Variants in CDK12 observed in about 807,000 individuals in gnomAD.
CDK12 encodes the protein cyclin-dependent kinase 12.
Under a neutral mutation model 133.8 loss-of-function variants are expected in CDK12, and 17 were observed. The ratio of observed to expected loss-of-function variants is 0.13; its 90% CI spans 0.09 to 0.19. CDK12 has a LOEUF of 0.19. Among genes scored for constraint, CDK12 ranks in the 10% least tolerant of loss-of-function variants. CDK12 has a pLI of 1.00. For synonymous variants in CDK12, 694 were observed against 683.6 expected (o/e 1.02, Z -0.24); for missense variants, 1,508 against 1,818.7 (o/e 0.83, Z 3.11).
At chr17:39,465,607 C>G (rs1163864231) in intron 1 of CDK12, among the ~76,000 whole-genome samples, 1 of 151,970 alleles carries the variant, frequency 6.6e-6, no homozygotes, top group Non-Finnish European at 1.5e-5. Flanking sequence ...CTGCCTCAGC[C>G]TCCTGAGAGT....
intron 6 of CDK12, 69 bp from the exon 7 acceptor site, chr17:39,509,636 A>G (rs943718395): frequency 9.9e-7 from 1 of 1,007,338 alleles, no homozygotes; most frequent in Non-Finnish European, 1.6e-6. Context: ...AACTTGGCGC[A>G]TGACTTTTCA....
intron 2 of CDK12, among the ~76,000 whole-genome samples, chr17:39,481,329 C>CTTTT (rs569177170): frequency 1.5e-5 from 2 of 135,526 alleles, no homozygotes; most frequent in African/African-American, 2.7e-5. Flanking sequence ...TCTTCTTTCT[C>CTTTT]TTTTTTTTTT....
At chr17:39,544,442 CT>C (rs1407939084), upstream of CDK12, 3 of 323,960 alleles carry the variant, frequency 9.3e-6, no homozygotes, top group African/African-American at 6.5e-5. Context: ...CACCCCACCC[CT>C]GGTCTTAGAG....
rs71147349 is a variant in CDK12 at position 39,496,912 on chromosome 17, CTTTTTTTT to C, written c.2419+2241_2419+2248del. On this transcript the variant is annotated intron_variant, in intron 5 of 13. Transcript: ENST00000447079. Reference sequence around the variant, plus strand: ...GTATCCTCCCCAACATTCAGTATATCTTTTTTTTTTTTTTTTTTTTTTTTTTTTTTAAT... The same window carrying C: ...GTATCCTCCCCAACATTCAGTATATCTTTTTTTTTTTTTTTTTTTTTTAAT... Among the ~76,000 whole-genome samples the C allele has an allele frequency of 1.9e-3, 170 of 87,808 alleles. 1 individual carries two copies. Among genetic ancestry groups the C allele is most frequent in the Middle Eastern group, 0.016 (2 of 122 alleles). The allele number at this position is 87,808 out of a possible 152,430, so 57.6% of individuals were successfully genotyped here.
At chr17:39,501,694 C>T (rs762442634) in intron 6 of CDK12, among the ~76,000 whole-genome samples, 1 of 152,078 alleles carries the variant, frequency 6.6e-6, no homozygotes, top group Non-Finnish European at 1.5e-5. Context: ...AGTACTTACT[C>T]CTAGGTTTTA....
In CDK12 at chr17:39,531,353, A is replaced by T; in HGVS notation, c.*37A>T. On this transcript the variant is annotated 3_prime_UTR_variant, in exon 14 of 14. Coordinates refer to ENST00000447079, the MANE Select transcript of CDK12 (RefSeq NM_016507.4). ...CAGTGTCCTGAAAGATTCCTTTCCT[A>T]TCCATCCTTCCATCCAGTTCTCTGA... 1 of 1,409,262 alleles carries T rather than the reference A, an allele frequency of 7.1e-7. No homozygotes were observed. The highest frequency in any genetic ancestry group is 9.3e-7 in the Non-Finnish European group (1 of 1,077,994). The allele number at this position is 1,409,262 out of a possible 1,614,324, so 87.3% of individuals were successfully genotyped here. A position where few individuals can be genotyped will look rare whatever the true frequency, so the allele number is the denominator to read the frequency against.
At chr17:39,463,166 G>A (rs1338967704) in intron 1 of CDK12, 49 bp downstream of exon 1, 2 of 1,519,236 alleles carry the variant, frequency 1.3e-6, no homozygotes, top group African/African-American at 1.4e-5. Context: ...GGGTTGCGAG[G>A]AATTGGCATT....
intron 5 of CDK12, among the ~76,000 whole-genome samples, chr17:39,497,697 G>GGCTCAAGCAATCCTCCAT (rs2052236345): frequency 6.6e-6 from 1 of 151,818 alleles, no homozygotes; most frequent in South Asian, 2.1e-4. Context: ...TCAACCTCCA[G>GGCTCAAGCAATCCTCCAT]GCTCAAGCAA....
intron 1 of CDK12, among the ~76,000 whole-genome samples, chr17:39,540,258 G>T (rs146609913): frequency 2.0e-5 from 3 of 152,338 alleles, no homozygotes; most frequent in African/African-American, 4.8e-5. Context: ...TGTGCTGTTG[G>T]TGGTGATGAA....
At chr17:39,505,013 G>T (rs1049138341) in intron 6 of CDK12, among the ~76,000 whole-genome samples, 10 of 151,320 alleles carry the variant, frequency 6.6e-5, no homozygotes, top group African/African-American at 2.2e-4. Context: ...GACGGATCAT[G>T]AGGTCAGGCG....
At chr17:39,542,005 A>C (rs538613580) in intron 1 of CDK12, among the ~76,000 whole-genome samples, 2 of 152,278 alleles carry the variant, frequency 1.3e-5, no homozygotes, top group East Asian at 3.9e-4. Flanking sequence ...GACTTCTGCG[A>C]GTAGAGTGCC....
rs1286379405 is a variant in CDK12 at position 39,524,718 on chromosome 17, G to A, written c.3140G>A (p.Arg1047Gln). 4 of 1,614,142 alleles carry A rather than the reference G, an allele frequency of 2.5e-6. No individual in the cohort carries two copies. Among genetic ancestry groups the A allele is most frequent in the South Asian group, 1.1e-5 (1 of 91,080 alleles). Residue 1047 changes from arginine to glutamine, a missense_variant, in exon 12 of 14, where the codon CGG becomes CAG. By Grantham distance (43) the Arg-to-Gln change is conservative. Coordinates refer to ENST00000447079, the MANE Select transcript of CDK12 (RefSeq NM_016507.4). ...QDCHELWSKKRRRQRQSGVVV... is the reference protein window; with the variant it reads ...QDCHELWSKKQRRQRQSGVVV... ...TGCCATGAGTTGTGGAGTAAGAAAC[G>A]GCGACGTCAGCGACAAAGTGGTGTT...
chr17:39,485,926 T>C (rs2051088287), intron 2 of CDK12, among the ~76,000 whole-genome samples: 1 of 151,816 alleles, frequency 6.6e-6, no homozygotes, highest in Non-Finnish European at 1.5e-5. Flanking sequence ...ATGACACAAT[T>C]AAAATACCTT....
rs1413984719 is a variant in CDK12, at chr17:39,462,928, A to G, written c.857A>G (p.Gln286Arg). Reference sequence around the variant, plus strand: ...CCTTACAAGGAGCCTTCGGCCTACCAGTCCAGCACCCGGTCACCGAGCCCC... The same window carrying G: ...CCTTACAAGGAGCCTTCGGCCTACCGGTCCAGCACCCGGTCACCGAGCCCC... ...SPPYKEPSAY[Q>R]SSTRSPSPYS... Residue 286 changes from glutamine to arginine, a missense_variant, in exon 1 of 14, where the codon CAG becomes CGG. Around this residue, in one of 9 missense-constraint regions of CDK12, gnomAD observed 460 missense variants for 490.8 expected, o/e 0.94. Transcript: ENST00000447079. 6.2e-7 allele frequency: 1 copy of G among 1,614,194 alleles called. No individual in the cohort carries two copies. Among genetic ancestry groups the G allele is most frequent in the Admixed American group, 1.7e-5 (1 of 60,016 alleles).
At chr17:39,470,049 C>A (rs186529704) in intron 1 of CDK12, among the ~76,000 whole-genome samples, 1 of 152,050 alleles carries the variant, frequency 6.6e-6, no homozygotes, top group East Asian at 1.9e-4. Flanking sequence ...AAAATAGTGA[C>A]CCATCTTTTT....
At chr17:39,479,861 A>G (rs552431408) in intron 2 of CDK12, among the ~76,000 whole-genome samples, 74 of 150,394 alleles carry the variant, frequency 4.9e-4, no homozygotes, top group South Asian at 1.9e-3. Flanking sequence ...TCCTGACCTC[A>G]GGTGCTCCAC....
intron 1 of CDK12, among the ~76,000 whole-genome samples, chr17:39,463,585 C>T (rs1336399512): frequency 6.6e-6 from 1 of 152,016 alleles, no homozygotes; most frequent in African/African-American, 2.4e-5. Flanking sequence ...ATCCCCAAAC[C>T]TGTACATTTA....
chr17:39,497,093 C>T (rs1047183204), intron 5 of CDK12, among the ~76,000 whole-genome samples: 3 of 151,860 alleles, frequency 2.0e-5, no homozygotes, highest in African/African-American at 7.3e-5. Flanking sequence ...CCACCACGGC[C>T]GGCTAATTTT....
At chr17:39,487,801 G>A (rs759254423) in intron 2 of CDK12, among the ~76,000 whole-genome samples, 4 of 151,862 alleles carry the variant, frequency 2.6e-5, no homozygotes, top group Non-Finnish European at 5.9e-5. Flanking sequence ...ATTTAATAGA[G>A]ATGAGGTTTC....
Sources: gnomAD v4.1 joint callset for allele counts (sites outside exome capture counted in the v4.1 genomes callset) on GRCh38, gnomAD v4.1.1 for gene constraint, gnomAD v4.1.1 regional missense constraint, MANE v1.5 for transcripts, NCBI Gene and HGNC (gene_info 2026-07-23, HGNC 2026-07-21) for gene names.